Variants in BMPR2 observed in about 807,000 individuals in gnomAD.
BMPR2 encodes the protein bone morphogenetic protein receptor type-2.
In BMPR2, 29 loss-of-function variants were observed where a neutral mutation model predicts 100.8. That is an observed-to-expected ratio of 0.29 (90% CI 0.21 to 0.39). BMPR2 has a LOEUF of 0.39. BMPR2 is among the 10% of genes least tolerant of loss of function. The pLI, the probability that BMPR2 is intolerant of heterozygous loss-of-function variation, is 1.00. For synonymous variants in BMPR2, 382 were observed against 442.3 expected (o/e 0.86, Z 1.71); for missense variants, 1,011 against 1,274.5 (o/e 0.79, Z 3.15).
At chr2:202,535,610 CG>C (rs1559068263) in intron 9 of BMPR2, among the ~76,000 whole-genome samples, 2 of 147,344 alleles carry the variant, frequency 1.4e-5, no homozygotes, top group Non-Finnish European at 3.0e-5. Context: ...ACTGGGCAGC[CG>C]GGCAGAGGGG....
At chr2:202,545,959 A>T (rs1559071299) in intron 10 of BMPR2, among the ~76,000 whole-genome samples, 1 of 152,360 alleles carries the variant, frequency 6.6e-6, no homozygotes. Context: ...CTAGTAAAAT[A>T]CAACTTCATC....
intron 4 of BMPR2, 32 bp downstream of exon 4, chr2:202,513,861 A>T: frequency 6.8e-7 from 1 of 1,466,644 alleles, no homozygotes; most frequent in Non-Finnish European, 9.5e-7. Context: ...CCTATTGTTT[A>T]TTAAACATGC....
Position 202,456,063 on chromosome 2 carries a change from CAAAAAAAAAAAAAAAAAAAAAAAAA to C in BMPR2, c.77-8731_77-8707del, listed in dbSNP as rs750470872. On this transcript the variant is annotated intron_variant, in intron 1 of 12. Transcript: ENST00000374580. ...CTGGGCAACAGGGTGAGACCCGTCT[CAAAAAAAAAAAAAAAAAAAAAAAAA>C]AAAAAAAAAAAAAAGTTAAGTAGTA... Among the ~76,000 whole-genome samples the C allele has an allele frequency of 6.5e-4, 24 of 36,764 alleles. 1 individual carries two copies. The East Asian group carries it at 0.028, about 43-fold the overall frequency. 24.1% of individuals were successfully genotyped at this position (36,764 alleles called of 152,430 possible).
At chr2:202,524,709 C>T (rs891855722) in intron 7 of BMPR2, among the ~76,000 whole-genome samples, 2 of 152,136 alleles carry the variant, frequency 1.3e-5, no homozygotes, top group African/African-American at 4.8e-5. Context: ...CGCCACTGCA[C>T]TCCAGCCTGG....
chr2:202,554,227 C>G (rs1456440365), intron 11 of BMPR2, among the ~76,000 whole-genome samples: 1 of 152,126 alleles, frequency 6.6e-6, no homozygotes, highest in Non-Finnish European at 1.5e-5. Context: ...TTTCCCATGT[C>G]CTCTAGTATG....
At chr2:202,397,028 C>T (rs1021169134) in intron 1 of BMPR2, among the ~76,000 whole-genome samples, 2 of 152,096 alleles carry the variant, frequency 1.3e-5, no homozygotes, top group Non-Finnish European at 1.5e-5. Context: ...AACTCCCAGC[C>T]TCAGGTGATC....
intron 3 of BMPR2, among the ~76,000 whole-genome samples, chr2:202,509,483 A>T (rs1687583813): frequency 6.6e-6 from 1 of 151,950 alleles, no homozygotes; most frequent in Non-Finnish European, 1.5e-5. Context: ...TAAAAGCTTG[A>T]TAAAATACAC....
At chr2:202,402,739 T>C (rs1340317456) in intron 1 of BMPR2, among the ~76,000 whole-genome samples, 2 of 151,074 alleles carry the variant, frequency 1.3e-5, no homozygotes, top group African/African-American at 4.9e-5. Context: ...TGATCTTGGC[T>C]TGCTGCAACC....
rs1038769147 is a variant in BMPR2 at position 202,385,727 on chromosome 2, C to T, written c.76+8177C>T. On this transcript the variant is annotated intron_variant, in intron 1 of 12. Coordinates refer to ENST00000374580, the MANE Select transcript of BMPR2 (RefSeq NM_001204.7). ...ATTTTATAATATCTATTAATTATAT[C>T]TGTTTTTTTTACATAGAATAATATA... Among the ~76,000 whole-genome samples the T allele has an allele frequency of 5.5e-3, 382 of 69,756 alleles. 1 individual carries two copies. Among genetic ancestry groups the T allele is most frequent in the Admixed American group, 9.0e-3 (62 of 6,888 alleles). 45.8% of individuals were successfully genotyped at this position (69,756 alleles called of 152,430 possible).
At chr2:202,510,289 G>A (rs756558439) in intron 3 of BMPR2, among the ~76,000 whole-genome samples, 1 of 152,154 alleles carries the variant, frequency 6.6e-6, no homozygotes, top group African/African-American at 2.4e-5. Context: ...GTGGTGGCGC[G>A]TGCCTGTAAT....
chr2:202,514,186 A>G (rs1407744437), intron 4 of BMPR2, among the ~76,000 whole-genome samples: 2 of 152,212 alleles, frequency 1.3e-5, no homozygotes, highest in South Asian at 2.1e-4. Flanking sequence ...CCCAGGTTGG[A>G]GTGCAGTGGC....
At chr2:202,531,502 A>C (rs2106018857) in intron 8 of BMPR2, among the ~76,000 whole-genome samples, 1 of 152,370 alleles carries the variant, frequency 6.6e-6, no homozygotes, top group East Asian at 1.9e-4. Context: ...TACCAAGTTT[A>C]AGATAACACA....
intron 7 of BMPR2, among the ~76,000 whole-genome samples, chr2:202,521,886 G>A (rs1406132564): frequency 1.3e-5 from 2 of 152,164 alleles, no homozygotes; most frequent in Non-Finnish European, 2.9e-5. Context: ...CTGGCATGGT[G>A]ACTCATGGCT....
chr2:202,452,819 G>C (rs577286438), intron 1 of BMPR2, among the ~76,000 whole-genome samples: 10 of 152,202 alleles, frequency 6.6e-5, no homozygotes, highest in Admixed American at 1.3e-4. Flanking sequence ...TTTACAAGTA[G>C]TAAGAATTAT....
chr2:202,497,160 G>T (rs1008155645), intron 3 of BMPR2, among the ~76,000 whole-genome samples: 2 of 152,184 alleles, frequency 1.3e-5, no homozygotes, highest in South Asian at 4.1e-4. Flanking sequence ...GGCAGGGCTC[G>T]GGCCTGCAGC....
chr2:202,418,905 G>C (rs1376613832), intron 1 of BMPR2, among the ~76,000 whole-genome samples: 1 of 152,216 alleles, frequency 6.6e-6, no homozygotes, highest in Non-Finnish European at 1.5e-5. Flanking sequence ...TTTCCCAAGA[G>C]ACAGCTTTGT....
At chr2:202,510,186 A>G (rs915689450) in intron 3 of BMPR2, among the ~76,000 whole-genome samples, 5 of 152,216 alleles carry the variant, frequency 3.3e-5, no homozygotes, top group African/African-American at 9.7e-5. Context: ...TGGGAGGCCA[A>G]GGTGGGCAGA....
chr2:202,454,828 C>A (rs1692059267), intron 1 of BMPR2, among the ~76,000 whole-genome samples: 1 of 152,184 alleles, frequency 6.6e-6, no homozygotes, highest in African/African-American at 2.4e-5. Context: ...CAACAAAATA[C>A]AATAGACTCG....
chr2:202,383,767 C>T (rs1473405964), intron 1 of BMPR2, among the ~76,000 whole-genome samples: 1 of 151,976 alleles, frequency 6.6e-6, no homozygotes, highest in Non-Finnish European at 1.5e-5. Flanking sequence ...AGGAGAATCA[C>T]TTGAACCTGG....
Sources: allele counts gnomAD v4.1 joint callset (sites outside exome capture counted in the v4.1 genomes callset), GRCh38; gene constraint gnomAD v4.1.1; transcripts MANE v1.5; gene names NCBI Gene and HGNC (gene_info 2026-07-23, HGNC 2026-07-21).